Variants in MAF observed in about 807,000 individuals in gnomAD.
MAF encodes the protein MAF bZIP transcription factor, also known as transcription factor Maf.
MAF carries 10 observed loss-of-function variants against 22.0 expected under a neutral mutation model. The observed-to-expected ratio is 0.45, with a 90% CI of 0.28 to 0.77. The LOEUF (loss-of-function observed/expected upper bound fraction) is 0.77, where lower values mean the gene tolerates loss of function less well. Ranked by LOEUF, MAF falls within the 30% of genes least tolerant of loss-of-function variation. The pLI is 0.12. For synonymous variants in MAF, 337 were observed against 255.8 expected (o/e 1.32, Z -3.03); for missense variants, 544 against 548.4 (o/e 0.99, Z 0.08).
chr16:79,429,092 T>C, the MAF span, among the ~76,000 whole-genome samples: 2 of 152,060 alleles, frequency 1.3e-5, no homozygotes, highest in Non-Finnish European at 2.9e-5. Flanking sequence ...TTGGAGGTAA[T>C]TACGTTGGGA....
chr16:79,211,942 T>G, the MAF span: 2 of 1,537,092 alleles, frequency 1.3e-6, no homozygotes, highest in African/African-American at 1.4e-5. Flanking sequence ...GAGTGAAAAA[T>G]CTTAAGTACC....
the MAF span, among the ~76,000 whole-genome samples, chr16:79,351,698 G>A: frequency 6.6e-6 from 1 of 151,848 alleles, no homozygotes; most frequent in Non-Finnish European, 1.5e-5. Context: ...TGGGGCTTCA[G>A]CAACCAGAAA....
At chr16:79,380,567 C>T in the MAF span, among the ~76,000 whole-genome samples, 1 of 152,220 alleles carries the variant, frequency 6.6e-6, no homozygotes, top group East Asian at 1.9e-4. Context: ...GCATTAACTG[C>T]TATGATATAT....
the MAF span, among the ~76,000 whole-genome samples, chr16:79,390,028 T>G: frequency 1.3e-5 from 2 of 149,162 alleles, no homozygotes; most frequent in Non-Finnish European, 3.0e-5. Context: ...AATCCTTAGA[T>G]TTTTCTCATC....
the MAF span, among the ~76,000 whole-genome samples, chr16:79,244,867 A>G: frequency 4.1e-4 from 62 of 152,190 alleles, no homozygotes; most frequent in Middle Eastern, 3.4e-3. Flanking sequence ...ACCAAAACAG[A>G]CATATAGATT....
chr16:79,283,431 T>G, the MAF span, among the ~76,000 whole-genome samples: 1 of 152,232 alleles, frequency 6.6e-6, no homozygotes, highest in Non-Finnish European at 1.5e-5. Context: ...TCTAGAGCAG[T>G]GTAAGCATAA....
At chr16:79,524,554 T>C in the MAF span, among the ~76,000 whole-genome samples, 3 of 152,216 alleles carry the variant, frequency 2.0e-5, no homozygotes, top group African/African-American at 7.2e-5. Context: ...CAAGAGTGTT[T>C]TACCCTTCAT....
chr16:79,409,020 C>A, the MAF span, among the ~76,000 whole-genome samples: 1 of 99,582 alleles, frequency 1.0e-5, no homozygotes, highest in East Asian at 3.3e-4. Flanking sequence ...CCCCACCTAC[C>A]ATAAGGGGTG....
the MAF span, among the ~76,000 whole-genome samples, chr16:79,332,292 CAATAAT>C: frequency 6.6e-6 from 1 of 151,980 alleles, no homozygotes; most frequent in Non-Finnish European, 1.5e-5. Flanking sequence ...AAAATAAGCA[CAATAAT>C]AATAATATTT....
chr16:79,543,897 A>C, the MAF span, among the ~76,000 whole-genome samples: 1 of 151,862 alleles, frequency 6.6e-6, no homozygotes, highest in African/African-American at 2.4e-5. Context: ...CGTTTTAGCC[A>C]AGATGGTCTC....
the MAF span, among the ~76,000 whole-genome samples, chr16:79,465,628 A>G: frequency 3.3e-5 from 5 of 152,170 alleles, no homozygotes; most frequent in Non-Finnish European, 7.3e-5. Flanking sequence ...AAAAATAAAG[A>G]AAAGAAACAT....
chr16:79,229,723 C>A, the MAF span, among the ~76,000 whole-genome samples: 1 of 151,952 alleles, frequency 6.6e-6, no homozygotes, highest in African/African-American at 2.4e-5. Context: ...AGGAGTGCAC[C>A]GAGCAAAGCG....
chr16:79,560,431 A>C, the MAF span, among the ~76,000 whole-genome samples: 1 of 152,030 alleles, frequency 6.6e-6, no homozygotes, highest in Non-Finnish European at 1.5e-5. Context: ...GAAAAAAAAA[A>C]AACCTGAACT....
intron 1 of MAF, chr16:79,596,246 C>T: frequency 9.4e-7 from 1 of 1,059,764 alleles, no homozygotes; most frequent in Non-Finnish European, 1.1e-6. Flanking sequence ...CATTTGAAAA[C>T]TGAAAACTTT....
intron 1 of MAF, chr16:79,595,840 T>G: frequency 9.4e-7 from 1 of 1,058,558 alleles, no homozygotes; most frequent in Non-Finnish European, 1.1e-6. Flanking sequence ...TAACATAGTT[T>G]AAACCAGATA....
chr16:79,396,100 G>A, the MAF span, among the ~76,000 whole-genome samples: 1 of 152,176 alleles, frequency 6.6e-6, no homozygotes, highest in South Asian at 2.1e-4. Context: ...AATCCCTTAT[G>A]CGTAGAGGAT....
At chr16:79,473,250 T>A in the MAF span, among the ~76,000 whole-genome samples, 7 of 152,138 alleles carry the variant, frequency 4.6e-5, no homozygotes, top group African/African-American at 1.7e-4. Flanking sequence ...AGGTCCCAGA[T>A]GTCTGCATGC....
chr16:79,526,695 G>A, the MAF span, among the ~76,000 whole-genome samples: 1 of 152,176 alleles, frequency 6.6e-6, no homozygotes, highest in Non-Finnish European at 1.5e-5. Flanking sequence ...AAACACTGTG[G>A]TAAGGGGTAA....
the MAF span, among the ~76,000 whole-genome samples, chr16:79,569,982 G>A: frequency 2.7e-5 from 4 of 149,182 alleles, no homozygotes; most frequent in Admixed American, 2.7e-4. Flanking sequence ...TCAAACCACA[G>A]CCCCCAAAGC....
Sources: gnomAD v4.1 joint callset for allele counts (sites outside exome capture counted in the v4.1 genomes callset) on GRCh38, gnomAD v4.1.1 for gene constraint, MANE v1.5 for transcripts, NCBI Gene and HGNC (gene_info 2026-07-23, HGNC 2026-07-21) for gene names.